The following GSDMC variants were observed in gnomAD, a reference collection of about 807,000 sequenced individuals.
GSDMC encodes the protein gasdermin C.
A neutral mutation model predicts 58.0 loss-of-function variants in GSDMC; 59 were observed. The observed-to-expected ratio is 1.02, with a 90% CI of 0.82 to 1.26. GSDMC has a LOEUF of 1.26. GSDMC is among the 50% of genes most tolerant of loss of function. The pLI is 0.00. For synonymous variants in GSDMC, 241 were observed against 220.2 expected, an observed-to-expected ratio of 1.09 and a Z score of -0.83; for missense variants, 659 against 598.5, an observed-to-expected ratio of 1.10 and a Z score of -1.06.
the GSDMC span, among the ~76,000 whole-genome samples, chr8:129,737,700 A>G: frequency 1.3e-5 from 2 of 152,260 alleles, no homozygotes; most frequent in Non-Finnish European, 2.9e-5. Flanking sequence ...ACCTAAAACC[A>G]TAAAAACTCT....
chr8:129,715,475 T>A, the GSDMC span, among the ~76,000 whole-genome samples: 1 of 152,158 alleles, frequency 6.6e-6, no homozygotes, highest in Non-Finnish European at 1.5e-5. Context: ...ATGTCCAAAT[T>A]TGATGAAATC....
downstream of GSDMC, among the ~76,000 whole-genome samples, chr8:129,744,717 A>C (rs548070964): frequency 6.6e-6 from 1 of 152,370 alleles, no homozygotes; most frequent in South Asian, 2.1e-4. Flanking sequence ...CAAGGAAGGC[A>C]CACACTAACC....
At chr8:129,724,550 C>T in the GSDMC span, among the ~76,000 whole-genome samples, 60 of 151,356 alleles carry the variant, frequency 4.0e-4, no homozygotes, top group South Asian at 0.012. Context: ...GTCTTATTCC[C>T]TCCTGTATTC....
At chr8:129,716,879 T>C in the GSDMC span, among the ~76,000 whole-genome samples, 2 of 152,226 alleles carry the variant, frequency 1.3e-5, no homozygotes, top group African/African-American at 4.8e-5. Context: ...CATAATCATG[T>C]AGTTTTTGCC....
At chr8:129,766,154 A>T (rs2033852010) in intron 3 of GSDMC, among the ~76,000 whole-genome samples, 2 of 152,208 alleles carry the variant, frequency 1.3e-5, no homozygotes, top group Non-Finnish European at 2.9e-5. Context: ...AGTCTTTAGG[A>T]GGTCCTGTTG....
chr8:129,776,328 T>C (rs2034226935), intron 2 of GSDMC, 43 bp from the exon 3 acceptor site: 2 of 1,476,682 alleles, frequency 1.4e-6, no homozygotes, highest in Non-Finnish European at 1.8e-6. Flanking sequence ...CAAGAATTCA[T>C]TCAAGAATTC....
At chr8:129,761,196 G>A (rs2033647659) in intron 5 of GSDMC, among the ~76,000 whole-genome samples, 1 of 152,168 alleles carries the variant, frequency 6.6e-6, no homozygotes, top group Non-Finnish European at 1.5e-5. Flanking sequence ...GCTGATGCAA[G>A]GAGTGGAGAT....
chr8:129,756,003 C>T (rs1347479195), intron 6 of GSDMC, among the ~76,000 whole-genome samples: 1 of 149,748 alleles, frequency 6.7e-6, no homozygotes, highest in African/African-American at 2.5e-5. Flanking sequence ...TATTTATCAA[C>T]AATAACATTA....
chr8:129,740,165 AAG>A, the GSDMC span, among the ~76,000 whole-genome samples: 3 of 152,360 alleles, frequency 2.0e-5, no homozygotes, highest in Admixed American at 1.3e-4. Flanking sequence ...AATATTATAA[AAG>A]AGTCAAAAGG....
At chr8:129,775,551 G>A (rs1240023345) in intron 3 of GSDMC, among the ~76,000 whole-genome samples, 1 of 152,040 alleles carries the variant, frequency 6.6e-6, no homozygotes, top group Non-Finnish European at 1.5e-5. Context: ...TAATAGATAT[G>A]TTAACTGACT....
At chr8:129,752,292 C>A in intron 7 of GSDMC, 145 bp from the exon 8 acceptor site, 4 of 712,498 alleles carry the variant, frequency 5.6e-6, no homozygotes, top group South Asian at 5.2e-5. Context: ...AGTTAAAAAA[C>A]TTCCCCAGAG....
chr8:129,762,486 T>G (rs2033704242), intron 5 of GSDMC, 140 bp downstream of exon 5: 1 of 698,654 alleles, frequency 1.4e-6, no homozygotes, highest in Admixed American at 2.1e-5. Context: ...CCCTGGACAG[T>G]AAGAAATGTG....
chr8:129,784,967 CT>C (rs2034517431), intron 1 of GSDMC, among the ~76,000 whole-genome samples: 1 of 152,156 alleles, frequency 6.6e-6, no homozygotes, highest in Non-Finnish European at 1.5e-5. Context: ...AATCCCAGCA[CT>C]TTGGGAGGCT....
At chr8:129,729,334 A>C in the GSDMC span, 1 of 490,398 alleles carries the variant, frequency 2.0e-6, no homozygotes, top group East Asian at 5.3e-5. Flanking sequence ...ATTATACTTT[A>C]AGTTCTAGGG....
rs569152560 is a variant in GSDMC at position 129,775,800 on chromosome 8, G to A, written c.404+302C>T. Among the ~76,000 whole-genome samples the A allele has an allele frequency of 7.9e-5, 12 of 152,100 alleles. No individual in the cohort carries two copies. The South Asian group carries it at 2.5e-3, about 32-fold the overall frequency. On this transcript the variant is annotated intron_variant, in intron 3 of 13. Coordinates refer to ENST00000276708, the MANE Select transcript of GSDMC (RefSeq NM_031415.3). ...TTTTCTTACTCCCTGCCCATCCCTT[G>A]TCTCCACTAAATGTAAGCTGCTTTA...
the GSDMC span, among the ~76,000 whole-genome samples, chr8:129,715,710 T>C: frequency 6.6e-6 from 1 of 152,194 alleles, no homozygotes; most frequent in Admixed American, 6.5e-5. Flanking sequence ...AGAAGGAATA[T>C]GATATCAGAC....
At chr8:129,721,263 A>T in the GSDMC span, among the ~76,000 whole-genome samples, 2 of 152,136 alleles carry the variant, frequency 1.3e-5, no homozygotes, top group African/African-American at 4.8e-5. Context: ...ACTAGGTTAG[A>T]TGCCCAGCTA....
intron 3 of GSDMC, 120 bp from the exon 4 acceptor site, chr8:129,765,913 G>A: frequency 5.8e-6 from 4 of 688,066 alleles, no homozygotes; most frequent in Non-Finnish European, 9.8e-6. Context: ...ACCCTGACAG[G>A]TAAGTCACCA....
At chr8:129,751,507 C>A (rs1315250987) in intron 10 of GSDMC, 35 bp downstream of exon 10, 1 of 1,587,892 alleles carries the variant, frequency 6.3e-7, no homozygotes, top group East Asian at 2.3e-5. Context: ...AGCTCCCACC[C>A]AGAAGCCCCA....
Sources: gnomAD v4.1 joint callset for allele counts (sites outside exome capture counted in the v4.1 genomes callset) on GRCh38, gnomAD v4.1.1 for gene constraint, MANE v1.5 for transcripts, NCBI Gene and HGNC (gene_info 2026-07-23, HGNC 2026-07-21) for gene names.